EPN1: variants seen among roughly 807,000 people sequenced by gnomAD.
EPN1 encodes epsin-1.
In EPN1, 25 loss-of-function variants were observed where a neutral mutation model predicts 56.9. The ratio of observed to expected loss-of-function variants is 0.44; its 90% confidence interval spans 0.32 to 0.61. EPN1 has a LOEUF of 0.61. Among genes scored for constraint, EPN1 ranks in the 20% least tolerant of loss-of-function variants. EPN1 has a pLI of 0.05. For missense variants in EPN1, 785 were observed against 823.7 expected (o/e 0.95, Z 0.58); for synonymous variants, 411 against 361.8 (o/e 1.14, Z -1.54).
chr19:55,709,273 A>C lies in EPN1; in HGVS notation c.*13917A>C, dbSNP rs953691299. The C allele has an allele frequency of 3.3e-6, 1 of 300,566 alleles. No homozygotes were observed. Among genetic ancestry groups the C allele is most frequent in the South Asian group, 1.2e-4 (1 of 8,282 alleles). The allele number at this position is 300,566 out of a possible 1,614,324, so 18.6% of individuals were successfully genotyped here. A position where few individuals can be genotyped will look rare whatever the true frequency, so the allele number is the denominator to read the frequency against. On this transcript the variant is annotated 3_prime_UTR_variant, in exon 11 of 11. Coordinates refer to ENST00000270460, the MANE Select transcript of EPN1 (RefSeq NM_001130072.2). Reference sequence around the variant, plus strand: ...ATACAGGATGTATCAATTAAGATTTAATTCAAAAAAGATGAATTTAAGTTA... The same window carrying C: ...ATACAGGATGTATCAATTAAGATTTCATTCAAAAAAGATGAATTTAAGTTA...
chr19:55,692,927 G>A (rs1405357836), intron 8 of EPN1, 24 bp from the exon 9 acceptor site: 1 of 1,612,562 alleles, frequency 6.2e-7, no homozygotes, highest in Admixed American at 1.7e-5. Context: ...GGGAGGGGCT[G>A]AGCAGAACAT....
At position 55,700,117 on chromosome 19, in the gene EPN1, G is replaced by C. The variant is rs995655488; in HGVS notation, c.*4761G>C. On this transcript the variant is annotated 3_prime_UTR_variant, in exon 11 of 11. Coordinates refer to ENST00000270460, the MANE Select transcript of EPN1 (RefSeq NM_001130072.2). ...TTTGTATTTTTTTAGTAGAGACGGG[G>C]TTTCACTGTGTTAGCCAGGATGGTC... is the stretch of plus-strand genomic sequence containing the variant. 6.6e-6 allele frequency: 1 copy of C among 150,720 alleles called. No individual in the cohort carries two copies. Among genetic ancestry groups the C allele is most frequent in the Non-Finnish European group, 1.5e-5 (1 of 68,000 alleles). The allele number at this position is 150,720 out of a possible 1,614,324, so 9.3% of individuals were successfully genotyped here.
In EPN1 at chr19:55,709,068, T is replaced by G. The variant is rs765356253; in HGVS notation, c.*13712T>G. The G allele has an allele frequency of 1.9e-5, 30 of 1,548,464 alleles. No individual in the cohort carries two copies. The highest frequency in any genetic ancestry group is 2.4e-5 in the Non-Finnish European group (28 of 1,156,500). On this transcript the variant is annotated 3_prime_UTR_variant, in exon 11 of 11. Transcript: ENST00000270460. ...GCCTGGGAAAATAGAAATAAAGTTT[T>G]TTTTTTTGTTTTTCATTTTTACACA...
intron 2 of EPN1, among the ~76,000 whole-genome samples, chr19:55,681,522 T>C (rs1375111016): frequency 6.6e-6 from 1 of 152,190 alleles, no homozygotes; most frequent in Admixed American, 6.5e-5. Flanking sequence ...CAGCCTGTGT[T>C]TGTAAATAAA....
At position 55,709,297 on chromosome 19, in the gene EPN1, TAAA is replaced by T. The variant is rs1461264427; in HGVS notation, c.*13944_*13946del. ...TAATTCAAAAAAGATGAATTTAAGT[TAAA>T]AAGAAAAACACAGGATAACTTCCAT... is the stretch of plus-strand genomic sequence containing the variant. On this transcript the variant is annotated 3_prime_UTR_variant, in exon 11 of 11. Transcript: ENST00000270460. The T allele has an allele frequency of 2.4e-5, 6 of 252,036 alleles. No individual in the cohort carries two copies. The highest frequency in any genetic ancestry group is 3.0e-5 in the Non-Finnish European group (4 of 133,610). 15.6% of individuals were successfully genotyped at this position (252,036 alleles called of 1,614,324 possible). A position where few individuals can be genotyped will look rare whatever the true frequency, so the allele number is the denominator to read the frequency against.
At chr19:55,676,888 C>T (rs1039009793) in intron 1 of EPN1, 2 of 330,522 alleles carry the variant, frequency 6.1e-6, no homozygotes, top group Admixed American at 4.6e-5. Flanking sequence ...TCCCTCTGCC[C>T]AGGTTTCTAT....
At position 55,691,793 on chromosome 19, in the gene EPN1, G is replaced by A. The variant is rs1446271376; in HGVS notation, c.802G>A (p.Ala268Thr). Reference protein sequence around the residue: ...MDLADVFTAPAPAPTTDPWGG... With the variant: ...MDLADVFTAPTPAPTTDPWGG... ...CCTTGCTGACGTCTTCACGGCCCCA[G>A]CTCCTGCCCCGACCACAGACCCCTG... Residue 268 changes from alanine (A) to threonine (T), a missense_variant, in exon 7 of 11, where the codon GCT becomes ACT. Physicochemically the swap from Ala to Thr is moderately conservative, Grantham distance 58. This residue lies in a region of EPN1 where 650 missense variants were observed against 605.0 expected (regional missense o/e 1.07). Coordinates refer to ENST00000270460, the MANE Select transcript of EPN1 (RefSeq NM_001130072.2). The surrounding 1 kb of genome is among the most constrained non-coding windows in gnomAD (Gnocchi z 5.6). The A allele has an allele frequency of 1.2e-6, 2 of 1,612,472 alleles. No individual in the cohort carries two copies. The highest frequency in any genetic ancestry group is 2.7e-5 in the African/African-American group (2 of 74,870).
In EPN1 at chr19:55,689,447, C is replaced by T; in HGVS notation, c.678+76C>T. 1 of 1,128,158 alleles carries T rather than the reference C, an allele frequency of 8.9e-7. No individual in the cohort carries two copies. The highest frequency in any genetic ancestry group is 2.0e-5 in the Admixed American group (1 of 49,644). 69.9% of individuals were successfully genotyped at this position (1,128,158 alleles called of 1,614,324 possible). On this transcript the variant is annotated intron_variant, in intron 5 of 10. Transcript: ENST00000270460. The surrounding 1 kb of genome is among the most constrained non-coding windows in gnomAD (Gnocchi z 5.7). ...AGCCCCGTCGCCCCTTCCTAAGTCA[C>T]CCCCCACCATCCTGCTGGGCCCGAA... is the stretch of plus-strand genomic sequence containing the variant.
At chr19:55,681,010 C>T (rs146484093) in intron 2 of EPN1, among the ~76,000 whole-genome samples, 4 of 152,324 alleles carry the variant, frequency 2.6e-5, no homozygotes, top group South Asian at 2.1e-4. Flanking sequence ...GGCCCAGAGA[C>T]GGGGGAGGTG....
At chr19:55,693,419 C>T (rs1015045716) in intron 9 of EPN1, 2 of 164,426 alleles carry the variant, frequency 1.2e-5, no homozygotes, top group African/African-American at 2.4e-5. Context: ...GCCGAGGCTC[C>T]CCTTCCGGGT....
In EPN1 at chr19:55,691,392, C is replaced by T. The variant is rs575706323; in HGVS notation, c.763-362C>T. ...GAGGATCGAGCTGCTTCGGGTCGAG[C>T]GAGGGGAGGGCTTGGCCTCCATCCT... On this transcript the variant is annotated intron_variant, in intron 6 of 10. Coordinates refer to ENST00000270460, the MANE Select transcript of EPN1 (RefSeq NM_001130072.2). The surrounding 1 kb of genome is among the most constrained non-coding windows in gnomAD (Gnocchi z 5.6). Among the ~76,000 whole-genome samples, 7 of 151,932 alleles carry T rather than the reference C, an allele frequency of 4.6e-5. No individual in the cohort carries two copies. The East Asian group carries it at 5.8e-4, about 13-fold the overall frequency.
rs953803353 is a variant in EPN1, at chr19:55,709,023, A to C, written c.*13667A>C. ...ACATCAGGATCTTCTGAGTTTCTTC[A>C]TCAAAGCCAGATTTGTGCAGCCTGG... On this transcript the variant is annotated 3_prime_UTR_variant, in exon 11 of 11. Coordinates refer to ENST00000270460, the MANE Select transcript of EPN1 (RefSeq NM_001130072.2). 29 of 1,577,256 alleles carry C rather than the reference A, an allele frequency of 1.8e-5. No homozygotes were observed. The highest frequency in any genetic ancestry group is 2.4e-5 in the Non-Finnish European group (28 of 1,168,542).
chr19:55,689,107 G>A lies in EPN1; in HGVS notation c.603+113G>A. 7.2e-7 allele frequency: 1 copy of A among 1,394,498 alleles called. No individual in the cohort carries two copies. The highest frequency in any genetic ancestry group is 9.6e-7 in the Non-Finnish European group (1 of 1,046,602). 86.4% of individuals were successfully genotyped at this position (1,394,498 alleles called of 1,614,324 possible). On this transcript the variant is annotated intron_variant, in intron 4 of 10. Coordinates refer to ENST00000270460, the MANE Select transcript of EPN1 (RefSeq NM_001130072.2). This position sits in a 1 kb window ranked among gnomAD's most constrained non-coding sequence, Gnocchi z 5.7. ...CCTCACTGTCGCTGCTCCACATGCTGTCACTCGTCTCCTCCCCAGTCCTGC... is the reference window on the plus strand; with the variant it reads ...CCTCACTGTCGCTGCTCCACATGCTATCACTCGTCTCCTCCCCAGTCCTGC...
chr19:55,690,653 C>T (rs1370122700), intron 6 of EPN1, among the ~76,000 whole-genome samples: 1 of 152,220 alleles, frequency 6.6e-6, no homozygotes, highest in Non-Finnish European at 1.5e-5. Context: ...CTGCTGCTGC[C>T]GCCCCCCAGG....
chr19:55,682,478 A>G (rs1019232010), intron 2 of EPN1, among the ~76,000 whole-genome samples: 2 of 149,178 alleles, frequency 1.3e-5, no homozygotes, highest in African/African-American at 4.9e-5. Flanking sequence ...GAGTGCGTTG[A>G]CATGTTCTCG....
At position 55,695,154 on chromosome 19, in the gene EPN1, C is replaced by T. The variant is rs1986838245; in HGVS notation, c.1529C>T (p.Pro510Leu). The T allele has an allele frequency of 6.2e-7, 1 of 1,613,816 alleles. No individual in the cohort carries two copies. The highest frequency in any genetic ancestry group is 8.5e-7 in the Non-Finnish European group (1 of 1,179,826). Residue 510 changes from proline to leucine, a missense_variant, in exon 11 of 11, where the codon CCA becomes CTA. Pro to Leu is a moderately conservative substitution (Grantham distance 98). This residue lies in a region of EPN1 where 650 missense variants were observed against 605.0 expected (regional missense o/e 1.07). Transcript: ENST00000270460. This position sits in a 1 kb window ranked among gnomAD's most constrained non-coding sequence, Gnocchi z 4.4. ...ASNPFLPGGG[P>L]ATGPSVTNPF... ...TGGTTTACTCTTCCTGCAGGAGGCCCAGCCACTGGCCCTTCCGTCACCAAC... is the reference window on the plus strand; with the variant it reads ...TGGTTTACTCTTCCTGCAGGAGGCCTAGCCACTGGCCCTTCCGTCACCAAC...
In EPN1 at chr19:55,689,120, TC is replaced by T; in HGVS notation, c.603+130del. The stretch of plus-strand genomic sequence containing the variant: ...GCTCCACATGCTGTCACTCGTCTCC[TC>T]CCCAGTCCTGCCTCATCCTCACCCC... On this transcript the variant is annotated intron_variant, in intron 4 of 10. Transcript: ENST00000270460. This position sits in a 1 kb window ranked among gnomAD's most constrained non-coding sequence, Gnocchi z 5.7. The T allele has an allele frequency of 1.5e-6, 2 of 1,348,610 alleles. No individual in the cohort carries two copies. The highest frequency in any genetic ancestry group is 2.4e-5 in the Admixed American group (1 of 41,074). 83.5% of individuals were successfully genotyped at this position (1,348,610 alleles called of 1,614,324 possible).
chr19:55,705,808 G>GATGGATATATATATATATAT lies in EPN1; in HGVS notation c.*10454_*10455insGGATATATATATATATATAT, dbSNP rs1987363001. 2 of 103,138 alleles carry GATGGATATATATATATATAT rather than the reference G, an allele frequency of 1.9e-5. No individual in the cohort carries two copies. The highest frequency in any genetic ancestry group is 9.1e-5 in the African/African-American group (2 of 21,920). 6.4% of individuals were successfully genotyped at this position (103,138 alleles called of 1,614,324 possible). On this transcript the variant is annotated 3_prime_UTR_variant, in exon 11 of 11. Coordinates refer to ENST00000270460, the MANE Select transcript of EPN1 (RefSeq NM_001130072.2). ...GTGGCTGGAATATTTGTTGTTGTGG[G>GATGGATATATATATATATAT]ATATATATATATATATATATTTAGA...
chr19:55,702,045 T>G lies in EPN1; in HGVS notation c.*6689T>G, dbSNP rs1381846265. 1 of 145,048 alleles carries G rather than the reference T, an allele frequency of 6.9e-6. No homozygotes were observed. Among genetic ancestry groups the G allele is most frequent in the Non-Finnish European group, 1.5e-5 (1 of 67,110 alleles). 9.0% of individuals were successfully genotyped at this position (145,048 alleles called of 1,614,324 possible). ...GGTGTCATCTTGGCTCACTGCAACC[T>G]CCGCCTCCCAGGTTCAAGCAATTCT... On this transcript the variant is annotated 3_prime_UTR_variant, in exon 11 of 11. Transcript: ENST00000270460.
Sources: gnomAD v4.1 joint callset for allele counts (sites outside exome capture counted in the v4.1 genomes callset) on GRCh38, gnomAD v4.1.1 for gene constraint, gnomAD v4.1.1 regional missense constraint, Gnocchi (gnomAD v3.1) non-coding constraint, MANE v1.5 for transcripts, NCBI Gene and HGNC (gene_info 2026-07-23, HGNC 2026-07-21) for gene names.